Variants in KCTD16 observed in about 807,000 individuals in gnomAD.
The protein encoded by KCTD16 is BTB/POZ domain-containing protein KCTD16.
KCTD16 carries 13 observed loss-of-function variants against 33.2 expected under a neutral mutation model. That is an observed-to-expected ratio of 0.39 (90% CI 0.25 to 0.62). KCTD16 has a LOEUF of 0.62. KCTD16 is among the 20% of genes least tolerant of loss of function. The pLI, the probability that KCTD16 is intolerant of heterozygous loss-of-function variation, is 0.50. For missense variants in KCTD16, 441 were observed against 525.1 expected (o/e 0.84, Z 1.57); for synonymous variants, 197 against 195.3 (o/e 1.01, Z -0.07).
At chr5:144,304,125 T>C (rs1350137828) in intron 3 of KCTD16, among the ~76,000 whole-genome samples, 1 of 152,064 alleles carries the variant, frequency 6.6e-6, no homozygotes, top group Non-Finnish European at 1.5e-5. Context: ...AAATGTCTTA[T>C]AGTAAAGAAA....
intron 3 of KCTD16, among the ~76,000 whole-genome samples, chr5:144,430,917 C>T (rs1753444498): frequency 2.0e-5 from 3 of 152,048 alleles, no homozygotes; most frequent in Admixed American, 6.6e-5. Flanking sequence ...AAGGCATAAG[C>T]CTCCTTGAGA....
At position 144,368,748 on chromosome 5, in the gene KCTD16, G is replaced by A. The variant is rs949651018; in HGVS notation, c.833-104912G>A. On this transcript the variant is annotated intron_variant, in intron 3 of 3. Transcript: ENST00000512467. The stretch of plus-strand genomic sequence containing the variant: ...GTTTCTGGTGATTAGTTACTGCAGG[G>A]ATAGGAAACTAATACACTGTCCTAG... Among the ~76,000 whole-genome samples the A allele has an allele frequency of 4.9e-4, 74 of 152,146 alleles. 2 individuals are homozygous for A.
At chr5:144,436,621 C>T (rs1210046348) in intron 3 of KCTD16, among the ~76,000 whole-genome samples, 33 of 149,596 alleles carry the variant, frequency 2.2e-4, no homozygotes, top group African/African-American at 7.4e-4. Context: ...GAGTATCGCT[C>T]TTGTCACCCA....
chr5:144,466,367 AC>A (rs1754333136), intron 3 of KCTD16, among the ~76,000 whole-genome samples: 1 of 151,848 alleles, frequency 6.6e-6, no homozygotes, highest in Non-Finnish European at 1.5e-5. Context: ...CAGGAAGAGC[AC>A]CACTGACACT....
chr5:144,251,666 G>A (rs926486401), intron 3 of KCTD16, among the ~76,000 whole-genome samples: 13 of 152,122 alleles, frequency 8.5e-5, no homozygotes, highest in Non-Finnish European at 1.8e-4. Flanking sequence ...GACCATTTAC[G>A]CAGTCACCTT....
intron 3 of KCTD16, among the ~76,000 whole-genome samples, chr5:144,459,478 A>C (rs961340535): frequency 6.6e-6 from 1 of 151,922 alleles, no homozygotes; most frequent in African/African-American, 2.4e-5. Flanking sequence ...CAGCCTCCCG[A>C]GTAGTTGGGA....
chr5:144,255,364 T>C (rs1181570768), intron 3 of KCTD16, among the ~76,000 whole-genome samples: 1 of 152,192 alleles, frequency 6.6e-6, no homozygotes, highest in African/African-American at 2.4e-5. Context: ...GGGATTTTTT[T>C]TTATCATATG....
Position 144,436,881 on chromosome 5 carries a change from C to T in KCTD16, c.833-36779C>T, listed in dbSNP as rs554713676. Among the ~76,000 whole-genome samples, 13 of 152,138 alleles carry T rather than the reference C, an allele frequency of 8.5e-5. No homozygotes were observed. The East Asian group carries it at 1.4e-3, about 16-fold the overall frequency. On this transcript the variant is annotated intron_variant, in intron 3 of 3. Transcript: ENST00000512467. ...GATTATAGGTGTGAGCTACCAGGCC[C>T]GGCCGAAGCAAAAGTGTTTTACTTT...
At chr5:144,411,259 G>A (rs1380558787) in intron 3 of KCTD16, among the ~76,000 whole-genome samples, 2 of 152,068 alleles carry the variant, frequency 1.3e-5, no homozygotes, top group Non-Finnish European at 2.9e-5. Flanking sequence ...AAAGCTGGAG[G>A]CATCACACTA....
intron 3 of KCTD16, among the ~76,000 whole-genome samples, chr5:144,360,527 G>A (rs549955520): frequency 1.1e-4 from 16 of 152,054 alleles, no homozygotes; most frequent in African/African-American, 3.6e-4. Context: ...TGCCTCCCGG[G>A]TTCAAGCGAT....
chr5:144,331,381 A>G (rs184392900), intron 3 of KCTD16, among the ~76,000 whole-genome samples: 1 of 152,286 alleles, frequency 6.6e-6, no homozygotes, highest in African/African-American at 2.4e-5. Flanking sequence ...ATTCCAATGC[A>G]TTGGTCTTAG....
chr5:144,246,011 G>A (rs188487140), intron 3 of KCTD16, among the ~76,000 whole-genome samples: 20 of 152,254 alleles, frequency 1.3e-4, no homozygotes, highest in African/African-American at 4.8e-4. Context: ...AGGGCTTTTT[G>A]GGCTATGGTA....
In KCTD16 at chr5:144,482,312, G is replaced by C. The variant is rs1754719146; in HGVS notation, c.*8198G>C. The stretch of plus-strand genomic sequence containing the variant: ...CTTTATGCCACAAAAATTTTCAAGG[G>C]GGCAATAATGTTGTAGAACAAGTAT... On this transcript the variant is annotated 3_prime_UTR_variant, in exon 4 of 4. Coordinates refer to ENST00000512467, the MANE Select transcript of KCTD16 (RefSeq NM_020768.4). 6.6e-6 allele frequency: 1 copy of C among 151,792 alleles called. No individual in the cohort carries two copies. Among genetic ancestry groups the C allele is most frequent in the Non-Finnish European group, 1.5e-5 (1 of 67,892 alleles). The allele number at this position is 151,792 out of a possible 1,614,324, so 9.4% of individuals were successfully genotyped here.
Position 144,211,731 on chromosome 5 carries a change from G to C in KCTD16, c.832+4185G>C, listed in dbSNP as rs183579707. Among the ~76,000 whole-genome samples the C allele has an allele frequency of 9.1e-4, 139 of 152,234 alleles. 1 individual carries two copies. Among genetic ancestry groups the C allele is most frequent in the Middle Eastern group, 6.8e-3 (2 of 294 alleles). On this transcript the variant is annotated intron_variant, in intron 3 of 3. Transcript: ENST00000512467. Reference sequence around the variant, plus strand: ...ATAATTTCAATTTTTATTACCTATAGAGATATGGTATTGGCACATTCAAAG... The same window carrying C: ...ATAATTTCAATTTTTATTACCTATACAGATATGGTATTGGCACATTCAAAG...
chr5:144,304,055 A>G (rs1008909373), intron 3 of KCTD16, among the ~76,000 whole-genome samples: 3 of 152,184 alleles, frequency 2.0e-5, no homozygotes, highest in Admixed American at 6.5e-5. Flanking sequence ...TTCTTTAGGT[A>G]TACATTTTCT....
chr5:144,269,887 A>G (rs1755247723), intron 3 of KCTD16, among the ~76,000 whole-genome samples: 1 of 152,104 alleles, frequency 6.6e-6, no homozygotes, highest in Non-Finnish European at 1.5e-5. Context: ...TGTGTATGAT[A>G]TTGTATTAAA....
chr5:144,172,423 A>G (rs1752410498), intron 1 of KCTD16, among the ~76,000 whole-genome samples: 1 of 152,244 alleles, frequency 6.6e-6, no homozygotes, highest in Non-Finnish European at 1.5e-5. Flanking sequence ...AGAGAAAATT[A>G]TAAATCTACT....
At chr5:144,369,522 G>A (rs1751918685) in intron 3 of KCTD16, 1 of 152,240 alleles carries the variant, frequency 6.6e-6, no homozygotes, top group African/African-American at 2.4e-5. Context: ...TATTTAAGGG[G>A]CATGGAGACA....
intron 3 of KCTD16, among the ~76,000 whole-genome samples, chr5:144,307,332 C>T (rs1361164517): frequency 6.6e-6 from 1 of 152,176 alleles, no homozygotes; most frequent in Non-Finnish European, 1.5e-5. Context: ...TCGCTCACAG[C>T]AGCATTATCA....
Sources: gnomAD v4.1 joint callset for allele counts (sites outside exome capture counted in the v4.1 genomes callset) on GRCh38, gnomAD v4.1.1 for gene constraint, MANE v1.5 for transcripts, NCBI Gene and HGNC (gene_info 2026-07-23, HGNC 2026-07-21) for gene names.